The following CTNNA2 variants were observed in gnomAD, a reference collection of about 807,000 sequenced individuals.
CTNNA2 encodes the protein catenin alpha 2.
In CTNNA2, 42 loss-of-function variants were observed where a neutral mutation model predicts 101.0. The observed-to-expected ratio is 0.42, with a 90% CI of 0.32 to 0.54. The LOEUF is 0.54. Among genes scored for constraint, CTNNA2 ranks in the 20% least tolerant of loss-of-function variants. CTNNA2 has a pLI of 0.14. For synonymous variants in CTNNA2, 450 were observed against 456.4 expected (o/e 0.99, Z 0.18); for missense variants, 871 against 1,223.1 (o/e 0.71, Z 4.29).
chr2:79,872,313 C>T (rs1166336019), intron 5 of CTNNA2, among the ~76,000 whole-genome samples: 2 of 151,828 alleles, frequency 1.3e-5, no homozygotes, highest in African/African-American at 4.8e-5. Context: ...CATGTTTCTT[C>T]AAGTGTTTTA....
chr2:79,829,388 CACACACACACACACACACACACACACAG>C (rs1381421077), intron 3 of CTNNA2, among the ~76,000 whole-genome samples: 1 of 149,038 alleles, frequency 6.7e-6, no homozygotes, highest in Non-Finnish European at 1.5e-5. Flanking sequence ...CACACACACA[CACACACACACACACACACACACACACAG>C]ACACAAAGCC....
At chr2:80,338,296 CTTTTTCTT>C (rs1202136129) in intron 7 of CTNNA2, among the ~76,000 whole-genome samples, 1 of 125,632 alleles carries the variant, frequency 8.0e-6, no homozygotes, top group African/African-American at 3.6e-5. Context: ...GCCTTTTTTT[CTTTTTCTT>C]TTTTTTTTTT....
intron 7 of CTNNA2, among the ~76,000 whole-genome samples, chr2:80,202,865 T>C (rs1431453745): frequency 1.3e-5 from 2 of 152,172 alleles, no homozygotes; most frequent in Non-Finnish European, 2.9e-5. Context: ...GATAAAGACA[T>C]ACCCAAGACT....
chr2:79,215,806 GGT>G (rs780026762), intron 2 of CTNNA2, among the ~76,000 whole-genome samples: 1 of 152,162 alleles, frequency 6.6e-6, no homozygotes, highest in Non-Finnish European at 1.5e-5. Flanking sequence ...AGCCAGACCG[GGT>G]GTGAGGAGGG....
intron 2 of CTNNA2, among the ~76,000 whole-genome samples, chr2:79,310,250 T>C (rs1676337151): frequency 6.6e-6 from 1 of 152,188 alleles, no homozygotes; most frequent in South Asian, 2.1e-4. Flanking sequence ...TTAAGAGCAA[T>C]GGTGATAATA....
At chr2:79,710,882 A>G (rs954891161) in intron 2 of CTNNA2, among the ~76,000 whole-genome samples, 14 of 152,186 alleles carry the variant, frequency 9.2e-5, no homozygotes, top group African/African-American at 1.4e-4. Flanking sequence ...TTCCTTTTCA[A>G]TTTGAGCTAT....
intron 7 of CTNNA2, among the ~76,000 whole-genome samples, chr2:80,307,740 G>A (rs1677165654): frequency 6.6e-6 from 1 of 152,200 alleles, no homozygotes. Context: ...GAAGGAACCT[G>A]AGCTCATCTA....
At chr2:79,311,876 G>A (rs1676382831) in intron 2 of CTNNA2, among the ~76,000 whole-genome samples, 1 of 152,080 alleles carries the variant, frequency 6.6e-6, no homozygotes. Flanking sequence ...TTATTTATGC[G>A]TTTTCTCCTA....
intron 6 of CTNNA2, among the ~76,000 whole-genome samples, chr2:79,884,764 T>TTC (rs1302018534): frequency 6.6e-6 from 1 of 151,876 alleles, no homozygotes; most frequent in Non-Finnish European, 1.5e-5. Context: ...TTTTTTTTTT[T>TTC]TCTGTTCTTG....
intron 3 of CTNNA2, among the ~76,000 whole-genome samples, chr2:79,316,356 C>G (rs1440420404): frequency 6.6e-6 from 1 of 152,030 alleles, no homozygotes; most frequent in East Asian, 1.9e-4. Context: ...AGTTTTGAAA[C>G]TGGAAGGAGT....
intron 3 of CTNNA2, among the ~76,000 whole-genome samples, chr2:79,816,361 T>C (rs1208146298): frequency 6.6e-6 from 1 of 152,110 alleles, no homozygotes; most frequent in Non-Finnish European, 1.5e-5. Context: ...TTTCAACTTT[T>C]CCCCATTCAG....
At chr2:80,158,779 C>T (rs1232847270) in intron 7 of CTNNA2, among the ~76,000 whole-genome samples, 9 of 152,010 alleles carry the variant, frequency 5.9e-5, no homozygotes, top group East Asian at 1.9e-4. Flanking sequence ...GGCATGGTGG[C>T]GGGTGCCTGT....
intron 2 of CTNNA2, among the ~76,000 whole-genome samples, chr2:79,233,312 C>A (rs1220782163): frequency 6.6e-6 from 1 of 151,968 alleles, no homozygotes; most frequent in East Asian, 1.9e-4. Context: ...ATTGATTACC[C>A]CAAAGTTATT....
chr2:79,651,284 A>C (rs1681229852), intron 1 of CTNNA2, among the ~76,000 whole-genome samples: 1 of 152,160 alleles, frequency 6.6e-6, no homozygotes, highest in Non-Finnish European at 1.5e-5. Context: ...TTGTTGAGTA[A>C]ATGAAATATT....
chr2:79,865,116 G>A (rs75542903), intron 4 of CTNNA2, among the ~76,000 whole-genome samples: 3,014 of 152,080 alleles, frequency 0.02, 106 homozygotes, highest in African/African-American at 0.068. Flanking sequence ...ACATTGATGC[G>A]CTTTAAGCAT....
intron 2 of CTNNA2, among the ~76,000 whole-genome samples, chr2:79,654,263 A>G (rs1457049115): frequency 6.6e-6 from 1 of 152,232 alleles, no homozygotes; most frequent in African/African-American, 2.4e-5. Flanking sequence ...CAAGTACCAA[A>G]ATCTGTGTTA....
intron 7 of CTNNA2, among the ~76,000 whole-genome samples, chr2:80,178,992 G>C (rs1383384860): frequency 2.0e-5 from 3 of 152,174 alleles, no homozygotes; most frequent in Non-Finnish European, 4.4e-5. Context: ...ATGATATCTT[G>C]TGGAAGGGAA....
chr2:79,553,167 C>T (rs1334873540), intron 1 of CTNNA2, among the ~76,000 whole-genome samples: 1 of 152,076 alleles, frequency 6.6e-6, no homozygotes, highest in East Asian at 1.9e-4. Flanking sequence ...AATTTCTTCC[C>T]CCTCATACCC....
intron 2 of CTNNA2, among the ~76,000 whole-genome samples, chr2:79,252,649 A>G (rs1458845343): frequency 1.3e-5 from 2 of 151,546 alleles, no homozygotes; most frequent in Non-Finnish European, 2.9e-5. Context: ...AAGGTGGGCT[A>G]TGCCTTTTTT....
Sources: allele counts gnomAD v4.1 joint callset (sites outside exome capture counted in the v4.1 genomes callset), GRCh38; gene constraint gnomAD v4.1.1; transcripts MANE v1.5; gene names NCBI Gene and HGNC (gene_info 2026-07-23, HGNC 2026-07-21).